The following NINJ2 variants were observed in gnomAD, a reference collection of about 807,000 sequenced individuals.
The protein encoded by NINJ2 is ninjurin-2.
A neutral mutation model predicts 11.7 loss-of-function variants in NINJ2; 12 were observed. That is an observed-to-expected ratio of 1.02 (90% confidence interval 0.66 to 1.66). NINJ2 has a LOEUF of 1.66. NINJ2 is among the 40% of genes most tolerant of loss of function. The probability of loss-of-function intolerance (pLI) is 0.00; values close to 1 mark genes in which losing one functional copy is unlikely to be tolerated. For synonymous variants in NINJ2, 93 were observed against 76.8 expected (o/e 1.21, Z -1.10); for missense variants, 187 against 181.8 (o/e 1.03, Z -0.16).
rs151053539 is a variant in NINJ2, at chr12:611,529, G to A, written c.34-45351C>T. ...ATTTTTGTATTTTTAGTAGAGACAGGGTTTCACCATGTTGGCCAGGCTGGT... is the reference window on the plus strand; with the variant it reads ...ATTTTTGTATTTTTAGTAGAGACAGAGTTTCACCATGTTGGCCAGGCTGGT... On this transcript the variant is annotated intron_variant, in intron 1 of 3. Transcript: ENST00000305108. Among the ~76,000 whole-genome samples the A allele has an allele frequency of 7.1e-3, 1,084 of 152,264 alleles. 12 individuals are homozygous for A. The highest frequency in any genetic ancestry group is 0.024 in the African/African-American group (1,005 of 41,556).
intron 1 of NINJ2, among the ~76,000 whole-genome samples, chr12:634,265 C>CTTTTTTTTTTTTTTTTTTTTTGTT (rs1948318195): frequency 1.7e-5 from 1 of 59,480 alleles, no homozygotes; most frequent in Non-Finnish European, 3.1e-5. Flanking sequence ...AGTTGCAGTT[C>CTTTTTTTTTTTTTTTTTTTTTGTT]TTTTTTTTTT....
intron 1 of NINJ2, among the ~76,000 whole-genome samples, chr12:567,051 G>T (rs917197668): frequency 6.6e-6 from 1 of 152,238 alleles, no homozygotes. Flanking sequence ...GCCAGGAAGG[G>T]CTAGAAGCAG....
At chr12:592,972 G>A (rs2120878672) in intron 1 of NINJ2, among the ~76,000 whole-genome samples, 1 of 151,980 alleles carries the variant, frequency 6.6e-6, no homozygotes, top group African/African-American at 2.4e-5. Context: ...ATGAAACTAT[G>A]GAATGGATTT....
intron 1 of NINJ2, among the ~76,000 whole-genome samples, chr12:571,948 C>A (rs1280358721): frequency 6.6e-6 from 1 of 152,156 alleles, no homozygotes; most frequent in Non-Finnish European, 1.5e-5. Context: ...GGCCCTGGGG[C>A]CTGTGGCAGG....
intron 1 of NINJ2, among the ~76,000 whole-genome samples, chr12:618,073 C>T (rs780712375): frequency 1.1e-4 from 16 of 151,698 alleles, no homozygotes; most frequent in Admixed American, 2.0e-4. Flanking sequence ...CTCTCTCCTT[C>T]GGAAGTTTTC....
In NINJ2 at chr12:566,731, C is replaced by T. The variant is rs572981381; in HGVS notation, c.34-553G>A. The stretch of plus-strand genomic sequence containing the variant: ...AGCTGCCGCCCTGCTCAGGCACACA[C>T]GCTGTCAGACACAGGCTCTCAGCAT... On this transcript the variant is annotated intron_variant, in intron 1 of 3. Coordinates refer to ENST00000305108, the MANE Select transcript of NINJ2 (RefSeq NM_016533.6). Among the ~76,000 whole-genome samples, 114 of 152,354 alleles carry T rather than the reference C, an allele frequency of 7.5e-4. 4 individuals are homozygous for T. The South Asian group carries it at 0.022, about 30-fold the overall frequency.
chr12:659,051 A>G (rs536183304), intron 1 of NINJ2, among the ~76,000 whole-genome samples: 1 of 137,862 alleles, frequency 7.3e-6, no homozygotes, highest in East Asian at 2.1e-4. Flanking sequence ...TATATTATAT[A>G]TAATATATAT....
Position 581,159 on chromosome 12 carries a change from C to CTG in NINJ2, c.34-14983_34-14982dup, listed in dbSNP as rs200335608. On this transcript the variant is annotated intron_variant, in intron 1 of 3. Coordinates refer to ENST00000305108, the MANE Select transcript of NINJ2 (RefSeq NM_016533.6). The surrounding 1 kb of genome is among the most constrained non-coding windows in gnomAD (Gnocchi z 4.9). ...CCTCTGTGTGTGTGTGCATGTGTCT[C>CTG]TGTGTGTGTGTGTGTGTCTGTGTGT... Among the ~76,000 whole-genome samples the CTG allele has an allele frequency of 4.4e-3, 632 of 142,696 alleles. 32 individuals are homozygous for CTG. The East Asian group carries it at 0.11, about 24-fold the overall frequency. 93.6% of individuals were successfully genotyped at this position (142,696 alleles called of 152,430 possible).
chr12:606,782 G>A (rs1041097051), intron 1 of NINJ2, among the ~76,000 whole-genome samples: 1 of 152,146 alleles, frequency 6.6e-6, no homozygotes, highest in African/African-American at 2.4e-5. Context: ...GAAGGTGTGC[G>A]CCACCAAAAT....
rs143594396 is a variant in NINJ2 at position 571,912 on chromosome 12, A to C, written c.34-5734T>G. 2.4e-3 allele frequency among the ~76,000 whole-genome samples: 365 copies of C among 152,318 alleles called. 1 individual carries two copies. The highest frequency in any genetic ancestry group is 8.5e-3 in the African/African-American group (353 of 41,584). On this transcript the variant is annotated intron_variant, in intron 1 of 3. Transcript: ENST00000305108. ...TAAGTAACTGCCCTACCAAAAAGCC[A>C]TGGAGCCCGCAGATCAGTGTGTTTA...
chr12:612,494 A>C (rs1384131954), intron 1 of NINJ2, among the ~76,000 whole-genome samples: 1 of 152,120 alleles, frequency 6.6e-6, no homozygotes, highest in Non-Finnish European at 1.5e-5. Context: ...TGGAACTGAG[A>C]TTCACTGTTG....
rs59353658 is a variant in NINJ2, at chr12:576,724, A to G, written c.34-10546T>C. Among the ~76,000 whole-genome samples the G allele has an allele frequency of 1.2e-3, 180 of 152,346 alleles. 1 individual carries two copies. The highest frequency in any genetic ancestry group is 4.2e-3 in the African/African-American group (176 of 41,580). ...AGAGGCCGTTTTGCCAGTGGCTTTC[A>G]GAAAAGACTGTTGTCATCTCGGGGT... On this transcript the variant is annotated intron_variant, in intron 1 of 3. Transcript: ENST00000305108.
At chr12:632,060 A>G (rs1238088809) in intron 1 of NINJ2, among the ~76,000 whole-genome samples, 1 of 152,188 alleles carries the variant, frequency 6.6e-6, no homozygotes, top group Non-Finnish European at 1.5e-5. Flanking sequence ...GGTCAGCTGA[A>G]ATAGCAATTT....
intron 1 of NINJ2, among the ~76,000 whole-genome samples, chr12:608,252 T>A (rs1440541759): frequency 1.3e-5 from 2 of 152,198 alleles, no homozygotes; most frequent in African/African-American, 4.8e-5. Flanking sequence ...CTTATCCTAT[T>A]CAGCAACAAC....
intron 1 of NINJ2, among the ~76,000 whole-genome samples, chr12:577,778 A>G (rs1947489892): frequency 6.6e-6 from 1 of 151,930 alleles, no homozygotes; most frequent in Admixed American, 6.6e-5. Flanking sequence ...CTAAGTCTCA[A>G]ACTCCTGAGT....
At chr12:586,489 G>A (rs144971822) in intron 1 of NINJ2, 1 of 152,308 alleles carries the variant, frequency 6.6e-6, no homozygotes, top group Non-Finnish European at 1.5e-5. Context: ...CAGGACCAGG[G>A]AACAGCGCAA....
At chr12:622,159 T>C (rs1592102730) in intron 1 of NINJ2, among the ~76,000 whole-genome samples, 1 of 136,434 alleles carries the variant, frequency 7.3e-6, no homozygotes, top group Admixed American at 7.6e-5. Flanking sequence ...CAGTGGCTCA[T>C]GCCTGTAATC....
chr12:599,755 C>T (rs568284053), intron 1 of NINJ2, among the ~76,000 whole-genome samples: 5 of 152,250 alleles, frequency 3.3e-5, no homozygotes, highest in African/African-American at 7.2e-5. Flanking sequence ...CCCACGACTG[C>T]GCTTGGCCTA....
intron 1 of NINJ2, among the ~76,000 whole-genome samples, chr12:597,867 G>A (rs2120893704): frequency 6.6e-6 from 1 of 152,374 alleles, no homozygotes; most frequent in African/African-American, 2.4e-5. Flanking sequence ...TTTGGGGAAT[G>A]CTGGGCTATT....
Sources: gnomAD v4.1 joint callset for allele counts (sites outside exome capture counted in the v4.1 genomes callset) on GRCh38, gnomAD v4.1.1 for gene constraint, Gnocchi (gnomAD v3.1) non-coding constraint, MANE v1.5 for transcripts, NCBI Gene and HGNC (gene_info 2026-07-23, HGNC 2026-07-21) for gene names.